Variants in ARHGEF11 observed in about 807,000 individuals in gnomAD.
The protein encoded by ARHGEF11 is Rho guanine nucleotide exchange factor 11, also known as Rho guanine exchange factor (GEF) 11.
ARHGEF11 carries 55 observed loss-of-function variants against 193.7 expected under a neutral mutation model. The ratio of observed to expected loss-of-function variants is 0.28; its 90% CI spans 0.23 to 0.36. ARHGEF11 has a LOEUF of 0.36. Ranked by LOEUF, ARHGEF11 falls within the 10% of genes least tolerant of loss-of-function variation. The pLI, the probability that ARHGEF11 is intolerant of heterozygous loss-of-function variation, is 1.00. For synonymous variants in ARHGEF11, 693 were observed against 768.0 expected (o/e 0.90, Z 1.62); for missense variants, 1,723 against 2,005.6 (o/e 0.86, Z 2.69).
chr1:156,963,714 C>T (rs1004306308), intron 11 of ARHGEF11, 120 bp from the exon 12 acceptor site: 8 of 1,492,816 alleles, frequency 5.4e-6, no homozygotes, highest in South Asian at 4.1e-5. Context: ...GTCTGGTGAA[C>T]GTTGGCATCT....
chr1:156,947,730 C>G, intron 25 of ARHGEF11, 39 bp downstream of exon 25: 1 of 1,604,966 alleles, frequency 6.2e-7, no homozygotes, highest in South Asian at 1.1e-5. Flanking sequence ...TATTCCCACA[C>G]GTGTGAGCGG....
intron 14 of ARHGEF11, among the ~76,000 whole-genome samples, chr1:156,960,729 A>C (rs949579269): frequency 5.3e-5 from 8 of 152,136 alleles, no homozygotes; most frequent in African/African-American, 9.7e-5. Flanking sequence ...AGGCCATTAG[A>C]GCGCATGGGA....
At chr1:156,964,012 T>A (rs1268638234) in intron 11 of ARHGEF11, among the ~76,000 whole-genome samples, 1 of 152,214 alleles carries the variant, frequency 6.6e-6, no homozygotes, top group African/African-American at 2.4e-5. Flanking sequence ...AAACCTAGTG[T>A]CTACCACAGT....
Position 156,937,411 on chromosome 1 carries a change from A to G in ARHGEF11, c.4278T>C (p.Pro1426=). The change falls in exon 39 of 41, where the codon CCT becomes CCC. Residue 1426 remains proline (P), a synonymous_variant. Transcript: ENST00000368194. ...CTGTCTGCCCTGCAGGGAGGCTGTCAGGCTGAGGGGGGCTCATGGGTGCCT... is the reference window on the plus strand; with the variant it reads ...CTGTCTGCCCTGCAGGGAGGCTGTCGGGCTGAGGGGGGCTCATGGGTGCCT... ...HSEAPMSPPQ[P]DSLPAGQTEP... 6.3e-7 allele frequency: 1 copy of G among 1,591,084 alleles called. No individual in the cohort carries two copies. The highest frequency in any genetic ancestry group is 1.2e-5 in the South Asian group (1 of 86,672).
chr1:156,984,136 A>T (rs1167389501), intron 3 of ARHGEF11, among the ~76,000 whole-genome samples: 1 of 152,236 alleles, frequency 6.6e-6, no homozygotes, highest in Non-Finnish European at 1.5e-5. Context: ...CTTTCCAGCT[A>T]GGGAAGCGAG....
intron 15 of ARHGEF11, 103 bp downstream of exon 15, chr1:156,960,315 C>A: frequency 1.7e-6 from 2 of 1,165,500 alleles, no homozygotes; most frequent in Admixed American, 1.9e-5. Context: ...AGGACGGTTG[C>A]CCAAGGACAG....
chr1:157,006,472 C>T lies in ARHGEF11; in HGVS notation c.33-20299G>A, dbSNP rs142795403. Among the ~76,000 whole-genome samples, 85 of 4,264 alleles carry T rather than the reference C, an allele frequency of 0.02. 1 individual carries two copies. In the East Asian group the frequency reaches 0.49, roughly 25 times the overall value. 2.8% of individuals were successfully genotyped at this position (4,264 alleles called of 152,430 possible). On this transcript the variant is annotated intron_variant, in intron 1 of 40. Transcript: ENST00000368194. ...GGAGTGAGAGACCTAGGATGTATTC[C>T]ACCAAAAGCACCTAATCATAGGGTA... is the stretch of plus-strand genomic sequence containing the variant.
intron 10 of ARHGEF11, 117 bp from the exon 11 acceptor site, chr1:156,968,241 T>A (rs1353829302): frequency 2.6e-6 from 3 of 1,173,358 alleles, no homozygotes; most frequent in Non-Finnish European, 3.6e-6. Context: ...AGAAGTGCAG[T>A]ACTTGCTCTG....
chr1:157,002,705 C>G (rs1210874458), intron 1 of ARHGEF11, among the ~76,000 whole-genome samples: 1 of 152,168 alleles, frequency 6.6e-6, no homozygotes, highest in Non-Finnish European at 1.5e-5. Flanking sequence ...ATAACTAACA[C>G]AGTGCTAAGC....
chr1:156,949,282 G>A (rs1248515244), intron 22 of ARHGEF11, among the ~76,000 whole-genome samples: 3 of 152,078 alleles, frequency 2.0e-5, no homozygotes, highest in Admixed American at 1.3e-4. Flanking sequence ...TTGCGGTGTC[G>A]AGTCCTGCAG....
chr1:156,978,106 T>C, intron 6 of ARHGEF11, 98 bp downstream of exon 6: 18 of 1,524,904 alleles, frequency 1.2e-5, no homozygotes, highest in Non-Finnish European at 1.6e-5. Flanking sequence ...TTGTCTCTGT[T>C]TACCACAGCC....
At position 156,980,559 on chromosome 1, in the gene ARHGEF11, A is replaced by G. The variant is rs532823828; in HGVS notation, c.224-73T>C. The G allele has an allele frequency of 4.3e-4, 643 of 1,492,152 alleles. 10 individuals carry two copies. The South Asian group carries it at 6.3e-3, about 15-fold the overall frequency. 92.4% of individuals were successfully genotyped at this position (1,492,152 alleles called of 1,614,324 possible). A position where few individuals can be genotyped will look rare whatever the true frequency, so the allele number is the denominator to read the frequency against. ...GAAGCTACACGAAGGTCCCTGTCAG[A>G]TCACCTCTCCTCTGAAATTTCCTCT... On this transcript the variant is annotated intron_variant, in intron 3 of 40. Transcript: ENST00000368194.
In ARHGEF11 at chr1:156,975,570, A is replaced by T. The variant is rs550934551; in HGVS notation, c.582+1413T>A. ...CTTTAAATTTTGATGAAATCCAACT[A>T]TTTTTTTGGGGGGAGGTTATGCTTT... On this transcript the variant is annotated intron_variant, in intron 7 of 40. Coordinates refer to ENST00000368194, the MANE Select transcript of ARHGEF11 (RefSeq NM_198236.3). Among the ~76,000 whole-genome samples the T allele has an allele frequency of 3.3e-5, 5 of 152,220 alleles. No homozygotes were observed. In the East Asian group the frequency reaches 9.6e-4, roughly 29 times the overall value.
At chr1:156,976,096 C>T (rs1663212868) in intron 7 of ARHGEF11, among the ~76,000 whole-genome samples, 3 of 152,210 alleles carry the variant, frequency 2.0e-5, no homozygotes, top group Non-Finnish European at 4.4e-5. Context: ...ACACCCACCC[C>T]TAACATTACC....
At chr1:156,988,668 A>G (rs1160922704) in intron 1 of ARHGEF11, among the ~76,000 whole-genome samples, 1 of 152,226 alleles carries the variant, frequency 6.6e-6, no homozygotes, top group Non-Finnish European at 1.5e-5. Flanking sequence ...CCTGCTGTCA[A>G]CAATTGTTAG....
chr1:156,937,166 G>A (rs1320717222), intron 39 of ARHGEF11, 83 bp downstream of exon 39: 17 of 1,593,768 alleles, frequency 1.1e-5, no homozygotes, highest in East Asian at 6.7e-5. Context: ...GGGCTCCCGC[G>A]AAGACACACA....
At chr1:156,979,621 C>T (rs539414483) in intron 4 of ARHGEF11, among the ~76,000 whole-genome samples, 1 of 152,290 alleles carries the variant, frequency 6.6e-6, no homozygotes. Flanking sequence ...GTCTTGGCCT[C>T]CCAAAGGGCT....
intron 1 of ARHGEF11, among the ~76,000 whole-genome samples, chr1:157,016,599 T>G (rs1326684247): frequency 6.6e-6 from 1 of 152,218 alleles, no homozygotes; most frequent in Non-Finnish European, 1.5e-5. Flanking sequence ...GTGGTAACAG[T>G]ATTGTGACTG....
intron 3 of ARHGEF11, 39 bp downstream of exon 3, chr1:156,984,300 A>T: frequency 6.6e-7 from 1 of 1,504,490 alleles, no homozygotes. Context: ...TGGCTTTGCA[A>T]GAACTGTCCA....
Sources: allele counts gnomAD v4.1 joint callset (sites outside exome capture counted in the v4.1 genomes callset), GRCh38; gene constraint gnomAD v4.1.1; transcripts MANE v1.5; gene names NCBI Gene and HGNC (gene_info 2026-07-23, HGNC 2026-07-21).